Variants in PHACTR1 observed in about 807,000 individuals in gnomAD.
PHACTR1 encodes the protein RPEL repeat containing 1.
In PHACTR1, 16 loss-of-function variants were observed where a neutral mutation model predicts 69.2. The ratio of observed to expected loss-of-function variants is 0.23; its 90% CI spans 0.16 to 0.35. The LOEUF (loss-of-function observed/expected upper bound fraction) is 0.35, where lower values mean the gene tolerates loss of function less well. PHACTR1 is among the 10% of genes least tolerant of loss of function. The pLI is 1.00. For synonymous variants in PHACTR1, 312 were observed against 284.5 expected (o/e 1.10, Z -0.97); for missense variants, 510 against 734.7 (o/e 0.69, Z 3.54).
At chr6:13,203,986 A>C (rs1235635291) in intron 7 of PHACTR1, among the ~76,000 whole-genome samples, 3 of 152,134 alleles carry the variant, frequency 2.0e-5, no homozygotes, top group Non-Finnish European at 4.4e-5. Context: ...GAGCATGGAG[A>C]CCCTGAATCC....
intron 5 of PHACTR1, among the ~76,000 whole-genome samples, chr6:13,082,280 T>A (rs1561803545): frequency 6.6e-6 from 1 of 152,140 alleles, no homozygotes; most frequent in South Asian, 2.1e-4. Flanking sequence ...TTGCTTAAAG[T>A]CAACACACTG....
chr6:13,174,836 A>G (rs1407131299), intron 6 of PHACTR1, among the ~76,000 whole-genome samples: 1 of 152,130 alleles, frequency 6.6e-6, no homozygotes, highest in Non-Finnish European at 1.5e-5. Flanking sequence ...TCTCTAAACA[A>G]TGAGAGTGAT....
chr6:12,837,755 T>A (rs530638630), intron 4 of PHACTR1, among the ~76,000 whole-genome samples: 1 of 152,366 alleles, frequency 6.6e-6, no homozygotes, highest in South Asian at 2.1e-4. Context: ...TTGGGAGTGC[T>A]ACAGAGATAT....
chr6:13,222,699 C>A (rs372824523), intron 8 of PHACTR1, among the ~76,000 whole-genome samples: 1 of 152,198 alleles, frequency 6.6e-6, no homozygotes, highest in African/African-American at 2.4e-5. Flanking sequence ...GTCCCCCTGT[C>A]CCCCAGAGGA....
intron 4 of PHACTR1, among the ~76,000 whole-genome samples, chr6:12,824,960 A>G (rs1418280569): frequency 1.3e-5 from 2 of 152,100 alleles, no homozygotes; most frequent in Admixed American, 6.6e-5. Flanking sequence ...TCAATGGAAA[A>G]GGTATTAAGT....
intron 3 of PHACTR1, among the ~76,000 whole-genome samples, chr6:12,742,816 T>C (rs1345761434): frequency 1.3e-5 from 2 of 152,106 alleles, no homozygotes; most frequent in African/African-American, 4.8e-5. Flanking sequence ...AGCATACATA[T>C]GGCAAGGGTC....
rs1289917755 is a variant in PHACTR1, at chr6:13,150,684, C to T, written c.416-9520C>T. Among the ~76,000 whole-genome samples the T allele has an allele frequency of 2.0e-5, 3 of 152,044 alleles. No homozygotes were observed. In the East Asian group the frequency reaches 5.8e-4, roughly 29 times the overall value. Reference sequence around the variant, plus strand: ...CCTTATTTATTTTCTCATTAACTTCCTTATGACATAAAAGATGAACTGATA... The same window carrying T: ...CCTTATTTATTTTCTCATTAACTTCTTTATGACATAAAAGATGAACTGATA... On this transcript the variant is annotated intron_variant, in intron 5 of 14. Transcript: ENST00000332995.
Position 12,950,165 on chromosome 6 carries a change from G to A in PHACTR1, c.251-103200G>A, listed in dbSNP as rs186080029. Among the ~76,000 whole-genome samples the A allele has an allele frequency of 2.6e-5, 4 of 152,326 alleles. No individual in the cohort carries two copies. The East Asian group carries it at 7.7e-4, about 29-fold the overall frequency. ...AGTCTCTCATGAGGTTGCAGTTCAG[G>A]CAGCAACTGTTGAAGGGTGGGGCTG... On this transcript the variant is annotated intron_variant, in intron 4 of 14. Coordinates refer to ENST00000332995, the MANE Select transcript of PHACTR1 (RefSeq NM_030948.6).
intron 4 of PHACTR1, chr6:12,957,493 A>G (rs1002325179): frequency 8.1e-6 from 8 of 985,342 alleles, no homozygotes; most frequent in Non-Finnish European, 8.4e-6. Context: ...AGTAAAACGC[A>G]GGACTCCTTG....
intron 10 of PHACTR1, among the ~76,000 whole-genome samples, chr6:13,270,628 G>C (rs1277097030): frequency 1.3e-5 from 2 of 152,150 alleles, no homozygotes; most frequent in Non-Finnish European, 2.9e-5. Flanking sequence ...GGGATATTTT[G>C]AAAAGGAATA....
At position 12,718,798 on chromosome 6, in the gene PHACTR1, C is replaced by G. The variant is rs1761731229; in HGVS notation, c.54C>G (p.Leu18=). 6.4e-7 allele frequency: 1 copy of G among 1,573,566 alleles called. No homozygotes were observed. The highest frequency in any genetic ancestry group is 1.2e-5 in the South Asian group (1 of 85,140). ...YFLDVESAHR[L]LDVESAQRFF... ...TGGATGTAGAGTCTGCTCACAGACTCTTGGATGTTGAGTCAGCTCAAAGAT... is the reference window on the plus strand; with the variant it reads ...TGGATGTAGAGTCTGCTCACAGACTGTTGGATGTTGAGTCAGCTCAAAGAT... The change falls in exon 3 of 15, where the codon CTC becomes CTG. Residue 18 remains leucine, a synonymous_variant. Transcript: ENST00000332995.
At chr6:12,920,556 T>C (rs1038773558) in intron 4 of PHACTR1, among the ~76,000 whole-genome samples, 2 of 152,258 alleles carry the variant, frequency 1.3e-5, no homozygotes, top group African/African-American at 4.8e-5. Context: ...AAGTTTTTGC[T>C]TCTCTTCCTG....
intron 4 of PHACTR1, among the ~76,000 whole-genome samples, chr6:12,804,079 T>C (rs1194603047): frequency 6.6e-6 from 1 of 152,260 alleles, no homozygotes; most frequent in African/African-American, 2.4e-5. Flanking sequence ...ACCATTCATC[T>C]GACCTTAGCA....
chr6:12,834,183 T>C (rs965950168), intron 4 of PHACTR1, among the ~76,000 whole-genome samples: 1 of 152,176 alleles, frequency 6.6e-6, no homozygotes, highest in East Asian at 1.9e-4. Flanking sequence ...ATTCTTTCCA[T>C]TGATGCGTAT....
At chr6:13,192,429 T>TGTAGGATTCTTGTGGTGTA (rs1763725926) in intron 7 of PHACTR1, among the ~76,000 whole-genome samples, 1 of 152,154 alleles carries the variant, frequency 6.6e-6, no homozygotes, top group African/African-American at 2.4e-5. Flanking sequence ...TCAGCAGGGA[T>TGTAGGATTCTTGTGGTGTA]GTAGGATTCT....
intron 4 of PHACTR1, among the ~76,000 whole-genome samples, chr6:12,817,681 C>G (rs1775739591): frequency 6.6e-6 from 1 of 152,058 alleles, no homozygotes; most frequent in South Asian, 2.1e-4. Flanking sequence ...AATCTTTGGA[C>G]CTTTTCAAAC....
At chr6:12,947,124 T>C (rs191284361) in intron 4 of PHACTR1, among the ~76,000 whole-genome samples, 1 of 152,216 alleles carries the variant, frequency 6.6e-6, no homozygotes, top group African/African-American at 2.4e-5. Flanking sequence ...GCTGGATTTT[T>C]AGTGGAGGTC....
chr6:12,984,099 C>G (rs889285847), intron 4 of PHACTR1, among the ~76,000 whole-genome samples: 1 of 152,172 alleles, frequency 6.6e-6, no homozygotes, highest in Non-Finnish European at 1.5e-5. Context: ...ATTTGTAGTT[C>G]TAGATCCTTG....
chr6:12,986,249 C>T (rs2127599260), intron 4 of PHACTR1, among the ~76,000 whole-genome samples: 1 of 152,292 alleles, frequency 6.6e-6, no homozygotes, highest in South Asian at 2.1e-4. Flanking sequence ...GTGACGCTGG[C>T]AAAGTTTGTT....
Sources: gnomAD v4.1 joint callset for allele counts (sites outside exome capture counted in the v4.1 genomes callset) on GRCh38, gnomAD v4.1.1 for gene constraint, MANE v1.5 for transcripts, NCBI Gene and HGNC (gene_info 2026-07-23, HGNC 2026-07-21) for gene names.